Variants in RBBP6 observed in about 807,000 individuals in gnomAD.
RBBP6 encodes the protein E3 ubiquitin-protein ligase RBBP6.
RBBP6 carries 25 observed loss-of-function variants against 167.7 expected under a neutral mutation model. That is an observed-to-expected ratio of 0.15 (90% CI 0.11 to 0.21). The LOEUF (loss-of-function observed/expected upper bound fraction) is 0.21. RBBP6 is among the 10% of genes least tolerant of loss of function. The pLI is 1.00. For missense variants in RBBP6, 1,868 were observed against 2,134.2 expected, an observed-to-expected ratio of 0.88 and a Z score of 2.46; for synonymous variants, 789 against 735.8, an observed-to-expected ratio of 1.07 and a Z score of -1.17.
At chr16:24,544,914 C>G (rs1326211912) in intron 1 of RBBP6, among the ~76,000 whole-genome samples, 1 of 152,140 alleles carries the variant, frequency 6.6e-6, no homozygotes, top group East Asian at 1.9e-4. Context: ...CCCCCATATT[C>G]GGTCCATCAG....
chr16:24,545,806 C>T (rs1275107603), intron 1 of RBBP6, among the ~76,000 whole-genome samples: 1 of 152,224 alleles, frequency 6.6e-6, no homozygotes, highest in Non-Finnish European at 1.5e-5. Flanking sequence ...ACTCAACTAA[C>T]GTTTAGGGAC....
At chr16:24,550,983 A>G (rs117806173) in intron 3 of RBBP6, among the ~76,000 whole-genome samples, 87 of 151,990 alleles carry the variant, frequency 5.7e-4, no homozygotes, top group Non-Finnish European at 8.3e-4. Flanking sequence ...TCTTATCCTG[A>G]TTAGTAAAGT....
At position 24,567,142 on chromosome 16, in the gene RBBP6, G is replaced by A; in HGVS notation, c.1590-1G>A. 6.2e-7 allele frequency: 1 copy of A among 1,607,310 alleles called. No homozygotes were observed. The highest frequency in any genetic ancestry group is 2.2e-5 in the East Asian group (1 of 44,680). On this transcript the variant is annotated splice_acceptor_variant, in intron 14 of 17. Transcript: ENST00000319715. LOFTEE classifies it high-confidence loss of function. ...TAATATCTTGGAATTTATTTTTCCA[G>A]AAGTATAAACCGTGGGCGACACCAC... is the stretch of plus-strand genomic sequence containing the variant.
Position 24,570,925 on chromosome 16 carries a change from G to A in RBBP6, c.3859G>A (p.Asp1287Asn). 1.3e-6 allele frequency: 2 copies of A among 1,590,954 alleles called. No homozygotes were observed. The highest frequency in any genetic ancestry group is 1.7e-6 in the Non-Finnish European group (2 of 1,163,364). The change falls in exon 18 of 18, where the codon GAT becomes AAT. Residue 1287 changes from aspartate (D) to asparagine (N), a missense_variant. Coordinates refer to ENST00000319715, the MANE Select transcript of RBBP6 (RefSeq NM_006910.5). ...TGTGCGGAAATCTGAAGAAAAAACA[G>A]ATACAAAGCGAACTGTGATTAAAAC... The part of the protein sequence containing the change: ...SPVRKSEEKT[D>N]TKRTVIKTME...
chr16:24,557,186 G>A (rs1242750598), intron 7 of RBBP6, among the ~76,000 whole-genome samples: 1 of 151,886 alleles, frequency 6.6e-6, no homozygotes, highest in African/African-American at 2.4e-5. Context: ...TTTTTTAGTA[G>A]AGACGGAGTT....
intron 3 of RBBP6, among the ~76,000 whole-genome samples, chr16:24,549,994 GT>G (rs1269856380): frequency 6.6e-6 from 1 of 151,932 alleles, no homozygotes; most frequent in African/African-American, 2.4e-5. Flanking sequence ...TGAAGCATCT[GT>G]TTCATAACAC....
In RBBP6 at chr16:24,571,907, C is replaced by T. The variant is rs1251025152; in HGVS notation, c.4841C>T (p.Pro1614Leu). Reference sequence around the variant, plus strand: ...CAAATTGACAAGAGTACTGTCAAGCCTAAACCCCAGTTAAGTCATTCCTCT... The same window carrying T: ...CAAATTGACAAGAGTACTGTCAAGCTTAAACCCCAGTTAAGTCATTCCTCT... ...TGQIDKSTVK[P>L]KPQLSHSSRL... The change falls in exon 18 of 18, where the codon CCT (proline) becomes CTT (leucine). Residue 1614 changes from proline (P) to leucine (L), a missense_variant. By Grantham distance (98) the Pro-to-Leu change is moderately conservative. Transcript: ENST00000319715. 3 of 1,614,076 alleles carry T rather than the reference C, an allele frequency of 1.9e-6. No homozygotes were observed. Among genetic ancestry groups the T allele is most frequent in the East Asian group, 2.2e-5 (1 of 44,874 alleles).
intron 3 of RBBP6, chr16:24,549,297 A>G: frequency 1.7e-6 from 2 of 1,172,612 alleles, no homozygotes; most frequent in Non-Finnish European, 2.1e-6. Context: ...ACTAAGGAAC[A>G]TGATGACATG....
rs1899052174 is a variant in RBBP6 at position 24,561,415 on chromosome 16, G to GGTCA, written c.848-196_848-193dup. On this transcript the variant is annotated intron_variant, in intron 8 of 17. Coordinates refer to ENST00000319715, the MANE Select transcript of RBBP6 (RefSeq NM_006910.5). ...TGTGACTTCTTTTTAGCGTAGCATA[G>GGTCA]GTCATATAGAAAAGAGCAGAGGAGT... is the stretch of plus-strand genomic sequence containing the variant. Among the ~76,000 whole-genome samples the GGTCA allele has an allele frequency of 3.9e-5, 6 of 152,156 alleles. No homozygotes were observed. The South Asian group carries it at 1.2e-3, about 31-fold the overall frequency.
chr16:24,561,792 T>G, intron 9 of RBBP6, 32 bp from the exon 10 acceptor site: 2 of 1,603,742 alleles, frequency 1.2e-6, no homozygotes, highest in East Asian at 2.2e-5. Context: ...CTGCATAACA[T>G]TTTTCTGCAT....
chr16:24,557,429 G>A (rs1166770557), intron 7 of RBBP6, among the ~76,000 whole-genome samples: 1 of 151,776 alleles, frequency 6.6e-6, no homozygotes, highest in Non-Finnish European at 1.5e-5. Flanking sequence ...TTACTTTTTT[G>A]ATTACCTTCA....
chr16:24,553,527 C>G lies in RBBP6; in HGVS notation c.318C>G (p.Ser106=), dbSNP rs141654910. The G allele has an allele frequency of 1.9e-6, 3 of 1,609,610 alleles. No homozygotes were observed. The highest frequency in any genetic ancestry group is 2.7e-5 in the African/African-American group (2 of 74,650). ...TTTGTGAACAGATTGATGACTCTTC[C>G]GCGTCTATTTCTCTGGCCCAGCTTA... is the stretch of plus-strand genomic sequence containing the variant. ...MATTKAIDDS[S]ASISLAQLTK... The change falls in exon 4 of 18, where the codon TCC becomes TCG. Residue 106 remains serine (S), a synonymous_variant. Coordinates refer to ENST00000319715, the MANE Select transcript of RBBP6 (RefSeq NM_006910.5).
chr16:24,556,045 C>T, intron 6 of RBBP6, 128 bp downstream of exon 6: 1 of 935,644 alleles, frequency 1.1e-6, no homozygotes, highest in East Asian at 2.6e-5. Context: ...GTCTCTGGAG[C>T]CAAATTTGCC....
intron 14 of RBBP6, among the ~76,000 whole-genome samples, chr16:24,566,619 T>C (rs997259701): frequency 3.9e-5 from 6 of 152,182 alleles, no homozygotes; most frequent in African/African-American, 1.4e-4. Flanking sequence ...CACACGTCTC[T>C]AGTCCCAGCT....
chr16:24,568,390 C>T (rs1899243613), intron 16 of RBBP6, among the ~76,000 whole-genome samples: 1 of 152,164 alleles, frequency 6.6e-6, no homozygotes, highest in African/African-American at 2.4e-5. Context: ...TAAAACTAGG[C>T]TGTTGGCCAG....
In RBBP6 at chr16:24,562,168, C is replaced by CT. The variant is rs775487178; in HGVS notation, c.1289+8dup. On this transcript the variant is annotated splice_region_variant and intron_variant, in intron 10 of 17. Coordinates refer to ENST00000319715, the MANE Select transcript of RBBP6 (RefSeq NM_006910.5). ...AATCAGATGGACCTTTTCGGTAAGC[C>CT]TGTGTGTTTTTCACTGTTAGAAACC... The CT allele has an allele frequency of 1.9e-6, 3 of 1,591,944 alleles. No individual in the cohort carries two copies. The highest frequency in any genetic ancestry group is 2.6e-6 in the Non-Finnish European group (3 of 1,163,242).
chr16:24,544,198 A>C (rs1213092572), intron 1 of RBBP6, among the ~76,000 whole-genome samples: 1 of 152,214 alleles, frequency 6.6e-6, no homozygotes, highest in Non-Finnish European at 1.5e-5. Flanking sequence ...ACTTCCTGTC[A>C]GGTGTTTGAC....
rs1397479510 is a variant in RBBP6 at position 24,569,984 on chromosome 16, A to G, written c.3294A>G (p.Glu1098=). Residue 1098 remains glutamate (E), a synonymous_variant, in exon 17 of 18, where the codon GAA becomes GAG. Coordinates refer to ENST00000319715, the MANE Select transcript of RBBP6 (RefSeq NM_006910.5). ...AAGCTCACTCTAAATCAGCAAAAGA[A>G]CACCAAGAAACAAAACCAGTCAAAG... ...PRKAHSKSAK[E]HQETKPVKEE... 1 of 1,595,908 alleles carries G rather than the reference A, an allele frequency of 6.3e-7. No homozygotes were observed. Among genetic ancestry groups the G allele is most frequent in the East Asian group, 2.2e-5 (1 of 44,806 alleles).
chr16:24,571,222 C>T lies in RBBP6; in HGVS notation c.4156C>T (p.Gln1386Ter). 6.2e-7 allele frequency: 1 copy of T among 1,613,142 alleles called. No individual in the cohort carries two copies. Among genetic ancestry groups the T allele is most frequent in the Non-Finnish European group, 8.5e-7 (1 of 1,179,792 alleles). The change falls in exon 18 of 18, where the codon CAA (glutamine) becomes TAA (stop). Residue 1386 changes from glutamine (Q) to a stop codon, truncating the protein, a stop_gained. Transcript: ENST00000319715. LOFTEE classifies it high-confidence loss of function. ...FTKDVSHEIIQHEVKSSKNSA... is the reference protein window; with the variant it reads ...FTKDVSHEII The stretch of plus-strand genomic sequence containing the variant: ...CAAGGACGTGAGCCATGAAATCATA[C>T]AACATGAGGTTAAAAGTTCAAAAAA...
Sources: allele counts gnomAD v4.1 joint callset (sites outside exome capture counted in the v4.1 genomes callset), GRCh38; gene constraint gnomAD v4.1.1; transcripts MANE v1.5; gene names NCBI Gene and HGNC (gene_info 2026-07-23, HGNC 2026-07-21).